The following PDE3B variants were observed in gnomAD, a reference collection of about 807,000 sequenced individuals.
The protein encoded by PDE3B is phosphodiesterase 3B.
In PDE3B, 66 loss-of-function variants were observed where a neutral mutation model predicts 116.8. The ratio of observed to expected loss-of-function variants is 0.56; its 90% CI spans 0.46 to 0.69. The LOEUF is 0.69. Ranked by LOEUF, PDE3B falls within the 30% of genes least tolerant of loss-of-function variation. PDE3B has a pLI of 0.00. For missense variants in PDE3B, 1,384 were observed against 1,368.1 expected (o/e 1.01, Z -0.18); for synonymous variants, 595 against 533.6 (o/e 1.12, Z -1.59).
intron 2 of PDE3B, chr11:14,774,912 G>A (rs1443810848): frequency 6.6e-6 from 1 of 152,066 alleles, no homozygotes; most frequent in Non-Finnish European, 1.5e-5. Flanking sequence ...CAGCTGCACT[G>A]GCCTCCTTGT....
At chr11:14,891,149 C>CCACACA in the PDE3B span, 2 of 985,442 alleles carry the variant, frequency 2.0e-6, no homozygotes, top group Non-Finnish European at 2.4e-6. Context: ...GTCGGGACAC[C>CCACACA]CACACACAAG....
At chr11:14,817,478 A>AG (rs1859370496) in intron 5 of PDE3B, among the ~76,000 whole-genome samples, 1 of 152,198 alleles carries the variant, frequency 6.6e-6, no homozygotes, top group African/African-American at 2.4e-5. Context: ...GGCCAGATGC[A>AG]GTGGCTTAAG....
intron 1 of PDE3B, among the ~76,000 whole-genome samples, chr11:14,754,326 G>T (rs1052898483): frequency 1.3e-5 from 2 of 151,912 alleles, no homozygotes; most frequent in African/African-American, 4.8e-5. Context: ...CAAATCAAGA[G>T]AACTCATTAT....
At position 14,861,252 on chromosome 11, in the gene PDE3B, T is replaced by A; in HGVS notation, c.2772T>A (p.Asp924Glu). Residue 924 changes from aspartate to glutamate, a missense_variant, in exon 14 of 16, where the codon GAT becomes GAA. Around this residue, in one of 2 missense-constraint regions of PDE3B, gnomAD observed 428 missense variants for 561.4 expected, o/e 0.76. Coordinates refer to ENST00000282096, the MANE Select transcript of PDE3B (RefSeq NM_000922.4). ...SNGIEWSNEN[D>E]RLLVCQVCIK... ...GCATAGAATGGAGTAATGAAAATGA[T>A]CGCCTCTTGGTATGCCAGGTGTGCA... 6.2e-7 allele frequency: 1 copy of A among 1,613,664 alleles called. No homozygotes were observed. The highest frequency in any genetic ancestry group is 8.5e-7 in the Non-Finnish European group (1 of 1,179,604).
chr11:14,847,745 G>A (rs1847643088), intron 12 of PDE3B, among the ~76,000 whole-genome samples: 1 of 152,178 alleles, frequency 6.6e-6, no homozygotes. Context: ...TAGAAGAAAT[G>A]GATACATTCC....
intron 1 of PDE3B, among the ~76,000 whole-genome samples, chr11:14,706,756 A>C (rs1190350838): frequency 6.6e-6 from 1 of 152,022 alleles, no homozygotes; most frequent in Non-Finnish European, 1.5e-5. Context: ...TACAATACAC[A>C]TTTAGATAGG....
intron 7 of PDE3B, among the ~76,000 whole-genome samples, chr11:14,825,786 GAT>G (rs1859669514): frequency 6.6e-6 from 1 of 152,108 alleles, no homozygotes; most frequent in African/African-American, 2.4e-5. Flanking sequence ...AAATGGATCT[GAT>G]AGACCTCTAC....
At chr11:14,668,267 G>GA (rs1854247917) in intron 1 of PDE3B, among the ~76,000 whole-genome samples, 2 of 152,046 alleles carry the variant, frequency 1.3e-5, no homozygotes, top group African/African-American at 2.4e-5. Context: ...ATACATGTGG[G>GA]CCTACATTTT....
chr11:14,760,844 A>G (rs1173790763), intron 1 of PDE3B, among the ~76,000 whole-genome samples: 1 of 152,194 alleles, frequency 6.6e-6, no homozygotes, highest in East Asian at 1.9e-4. Context: ...TAATACTTGT[A>G]TACATTGTGT....
downstream of PDE3B, among the ~76,000 whole-genome samples, chr11:14,876,855 C>A (rs189956218): frequency 4.3e-4 from 66 of 152,214 alleles, 1 homozygote; most frequent in Admixed American, 4.3e-3. Flanking sequence ...AAACTTCCAC[C>A]CTTCCTCCAA....
intron 1 of PDE3B, among the ~76,000 whole-genome samples, chr11:14,646,347 A>G (rs997940957): frequency 6.6e-6 from 1 of 152,220 alleles, no homozygotes; most frequent in Non-Finnish European, 1.5e-5. Flanking sequence ...GTAATGTTCC[A>G]ATGACACAAT....
At position 14,644,297 on chromosome 11, in the gene PDE3B, C is replaced by T. The variant is rs1387799200; in HGVS notation, c.222C>T (p.Pro74=). The change falls in exon 1 of 16, where the codon CCC becomes CCT. Residue 74 remains proline, a synonymous_variant. Transcript: ENST00000282096. ...ASPQQPRRCS[P]FCRARLSLGA... Reference sequence around the variant, plus strand: ...CCCAGCAGCCGCGGCGCTGCTCCCCCTTCTGCCGGGCGCGCCTCTCGCTGG... The same window carrying T: ...CCCAGCAGCCGCGGCGCTGCTCCCCTTTCTGCCGGGCGCGCCTCTCGCTGG... 4 of 1,565,024 alleles carry T rather than the reference C, an allele frequency of 2.6e-6. No individual in the cohort carries two copies. Among genetic ancestry groups the T allele is most frequent in the African/African-American group, 1.4e-5 (1 of 72,394 alleles).
intron 1 of PDE3B, chr11:14,698,714 T>G (rs1855281718): frequency 6.6e-6 from 1 of 152,046 alleles, no homozygotes; most frequent in Non-Finnish European, 1.5e-5. Context: ...TTTTAATCTG[T>G]ATGATAATCT....
At chr11:14,792,410 A>G (rs1018827762) in intron 4 of PDE3B, among the ~76,000 whole-genome samples, 21 of 146,696 alleles carry the variant, frequency 1.4e-4, no homozygotes, top group Admixed American at 9.3e-4. Context: ...AGGTATTTGG[A>G]TAAAAAGTAA....
intron 1 of PDE3B, among the ~76,000 whole-genome samples, chr11:14,682,702 T>G (rs1854747689): frequency 6.6e-6 from 1 of 152,152 alleles, no homozygotes; most frequent in Admixed American, 6.5e-5. Flanking sequence ...TCTTATACAT[T>G]GCTGGATTTG....
chr11:14,854,521 T>C (rs1253677182), intron 12 of PDE3B, among the ~76,000 whole-genome samples: 1 of 151,068 alleles, frequency 6.6e-6, no homozygotes, highest in Non-Finnish European at 1.5e-5. Flanking sequence ...ATCTAGAATT[T>C]TTTTTTTTTT....
intron 12 of PDE3B, among the ~76,000 whole-genome samples, chr11:14,853,192 T>A (rs1219565386): frequency 6.6e-6 from 1 of 152,202 alleles, no homozygotes; most frequent in East Asian, 1.9e-4. Flanking sequence ...AATCCCCTTC[T>A]TTATACCATT....
chr11:14,891,256 G>A, the PDE3B span: 9 of 985,038 alleles, frequency 9.1e-6, no homozygotes, highest in African/African-American at 8.7e-5. Flanking sequence ...TCACCGGCTG[G>A]TTATGAGTTT....
rs769373319 is a variant in PDE3B, at chr11:14,843,952, G to A, written c.2446G>A (p.Val816Met). 9 of 1,613,870 alleles carry A rather than the reference G, an allele frequency of 5.6e-6. No individual in the cohort carries two copies. Among genetic ancestry groups the A allele is most frequent in the Middle Eastern group, 1.6e-4 (1 of 6,084 alleles). Residue 816 changes from valine (V) to methionine (M), a missense_variant, in exon 12 of 16, where the codon GTG (valine) becomes ATG (methionine). Physicochemically the swap from Val to Met is conservative, Grantham distance 21. Around this residue, in one of 2 missense-constraint regions of PDE3B, gnomAD observed 428 missense variants for 561.4 expected, o/e 0.76. Coordinates refer to ENST00000282096, the MANE Select transcript of PDE3B (RefSeq NM_000922.4). ...IPALELMALY[V>M]AAAMHDYDHP... ...TGCATTAGAATTGATGGCTCTATACGTGGCAGCTGCCATGCATGATTATGA... is the reference window on the plus strand; with the variant it reads ...TGCATTAGAATTGATGGCTCTATACATGGCAGCTGCCATGCATGATTATGA...
Sources: gnomAD v4.1 joint callset for allele counts (sites outside exome capture counted in the v4.1 genomes callset) on GRCh38, gnomAD v4.1.1 for gene constraint, gnomAD v4.1.1 regional missense constraint, MANE v1.5 for transcripts, NCBI Gene and HGNC (gene_info 2026-07-23, HGNC 2026-07-21) for gene names.